Variants in RRAS2 observed in about 807,000 individuals in gnomAD.
RRAS2 encodes RAS related 2.
A neutral mutation model predicts 27.6 loss-of-function variants in RRAS2; 7 were observed. The ratio of observed to expected loss-of-function variants is 0.25; its 90% CI spans 0.14 to 0.48. The LOEUF is 0.48. Ranked by LOEUF, RRAS2 falls within the 20% of genes least tolerant of loss-of-function variation. The probability of loss-of-function intolerance (pLI) is 0.99; values close to 1 mark genes in which losing one functional copy is unlikely to be tolerated. For synonymous variants in RRAS2, 86 were observed against 90.9 expected, an observed-to-expected ratio of 0.95 and a Z score of 0.31; for missense variants, 178 against 256.2, an observed-to-expected ratio of 0.69 and a Z score of 2.08.
intron 1 of RRAS2, among the ~76,000 whole-genome samples, chr11:14,307,455 C>T (rs1554948258): frequency 6.6e-6 from 1 of 151,986 alleles, no homozygotes; most frequent in African/African-American, 2.4e-5. Flanking sequence ...GGTGCAATCT[C>T]GGCTCAATGC....
Position 14,358,893 on chromosome 11 carries a change from T to G in RRAS2, c.-23A>C. The stretch of plus-strand genomic sequence containing the variant: ...CATGGGGACGCTACAGAGCCCAGCC[T>G]GACTGCGCCGAGCCGCCGCTGCCGC... On this transcript the variant is annotated 5_prime_UTR_variant, in exon 1 of 6. Coordinates refer to ENST00000256196, the MANE Select transcript of RRAS2 (RefSeq NM_012250.6). This position sits in a 1 kb window ranked among gnomAD's most constrained non-coding sequence, Gnocchi z 5.1. The G allele has an allele frequency of 1.3e-5, 18 of 1,371,158 alleles. No homozygotes were observed. Among genetic ancestry groups the G allele is most frequent in the Non-Finnish European group, 1.7e-5 (18 of 1,049,954 alleles). 84.9% of individuals were successfully genotyped at this position (1,371,158 alleles called of 1,614,324 possible).
At chr11:14,282,442 T>C (rs1849565573) in intron 4 of RRAS2, among the ~76,000 whole-genome samples, 1 of 152,160 alleles carries the variant, frequency 6.6e-6, no homozygotes, top group African/African-American at 2.4e-5. Flanking sequence ...ATGTATAAAA[T>C]GGCAGGTCAG....
chr11:14,359,362 G>A (rs185474965), upstream of RRAS2, among the ~76,000 whole-genome samples: 3 of 152,364 alleles, frequency 2.0e-5, no homozygotes, highest in Admixed American at 2.0e-4. Flanking sequence ...GGTGTCAGTT[G>A]GGAGTGGGAC....
intron 1 of RRAS2, among the ~76,000 whole-genome samples, chr11:14,329,779 T>C (rs915010422): frequency 2.0e-5 from 3 of 152,148 alleles, no homozygotes; most frequent in Non-Finnish European, 2.9e-5. Flanking sequence ...ATTAGGAAAT[T>C]AAAAACAGGG....
In RRAS2 at chr11:14,328,767, C is replaced by A. The variant is rs530961872; in HGVS notation, c.108+29996G>T. 2.6e-5 allele frequency among the ~76,000 whole-genome samples: 4 copies of A among 151,984 alleles called. No individual in the cohort carries two copies. In the South Asian group the frequency reaches 8.3e-4, roughly 32 times the overall value. On this transcript the variant is annotated intron_variant, in intron 1 of 5. Transcript: ENST00000256196. ...GCAACCTCCACCTTCTGGGTTCAAG[C>A]AATCCTCCTGGCTCAGCCTCCCCAG...
intron 1 of RRAS2, chr11:14,336,943 A>C (rs1172348781): frequency 6.6e-6 from 1 of 152,198 alleles, no homozygotes; most frequent in African/African-American, 2.4e-5. Flanking sequence ...ATCATAATTA[A>C]ACTTCTAAAA....
At chr11:14,351,983 C>T (rs1282648517) in intron 1 of RRAS2, among the ~76,000 whole-genome samples, 2 of 151,690 alleles carry the variant, frequency 1.3e-5, no homozygotes, top group African/African-American at 4.8e-5. Flanking sequence ...GGCATCATGT[C>T]TTCAACTTAC....
At chr11:14,282,752 A>G (rs910799082) in intron 4 of RRAS2, among the ~76,000 whole-genome samples, 1 of 152,198 alleles carries the variant, frequency 6.6e-6, no homozygotes, top group African/African-American at 2.4e-5. Flanking sequence ...TTTTAACACT[A>G]TAAAAATAGG....
rs1392909224 is a variant in RRAS2, at chr11:14,279,121, A to T, written c.*216T>A. The stretch of plus-strand genomic sequence containing the variant: ...TATAGACATATATTTTAAAGGAATC[A>T]GATAATCTTTGAAGCAGCCTTAGTG... On this transcript the variant is annotated 3_prime_UTR_variant, in exon 6 of 6. Transcript: ENST00000256196. 1 of 506,510 alleles carries T rather than the reference A, an allele frequency of 2.0e-6. No homozygotes were observed. Among genetic ancestry groups the T allele is most frequent in the Admixed American group, 3.3e-5 (1 of 30,262 alleles). The allele number at this position is 506,510 out of a possible 1,614,324, so 31.4% of individuals were successfully genotyped here. A position where few individuals can be genotyped will look rare whatever the true frequency, so the allele number is the denominator to read the frequency against.
intron 1 of RRAS2, among the ~76,000 whole-genome samples, chr11:14,335,507 T>A (rs1848571371): frequency 6.6e-6 from 1 of 152,240 alleles, no homozygotes; most frequent in African/African-American, 2.4e-5. Flanking sequence ...ATCTATTTTT[T>A]GAGCTAGCAG....
intron 1 of RRAS2, among the ~76,000 whole-genome samples, chr11:14,307,916 G>A (rs1554948339): frequency 2.0e-5 from 3 of 152,010 alleles, no homozygotes; most frequent in South Asian, 2.1e-4. Flanking sequence ...TTATCCTGCC[G>A]ATAGGTCTGC....
intron 4 of RRAS2, among the ~76,000 whole-genome samples, chr11:14,290,838 G>GA (rs1277476571): frequency 1.3e-5 from 2 of 152,146 alleles, no homozygotes; most frequent in African/African-American, 2.4e-5. Context: ...AAGAGGGGCA[G>GA]AAAAAATATA....
chr11:14,305,551 C>G (rs1847811050), intron 1 of RRAS2, among the ~76,000 whole-genome samples: 1 of 152,214 alleles, frequency 6.6e-6, no homozygotes, highest in Non-Finnish European at 1.5e-5. Flanking sequence ...TAACTCCCCA[C>G]TCCAATAGCT....
chr11:14,325,512 A>G (rs1554950896), intron 1 of RRAS2, among the ~76,000 whole-genome samples: 1 of 151,892 alleles, frequency 6.6e-6, no homozygotes, highest in Admixed American at 6.6e-5. Context: ...TGTTAGCCAG[A>G]ATGGTCTCGA....
intron 4 of RRAS2, among the ~76,000 whole-genome samples, chr11:14,288,796 T>C (rs1305779160): frequency 1.3e-5 from 2 of 152,160 alleles, no homozygotes; most frequent in Non-Finnish European, 2.9e-5. Flanking sequence ...TATTTCCAAA[T>C]AGAATAAACT....
chr11:14,333,536 CT>C (rs1411301007), intron 1 of RRAS2, among the ~76,000 whole-genome samples: 3 of 152,266 alleles, frequency 2.0e-5, no homozygotes, highest in Middle Eastern at 3.4e-3. Context: ...AGGATGCCCA[CT>C]CTTAGCTTGT....
intron 5 of RRAS2, 60 bp from the exon 6 acceptor site, chr11:14,279,484 C>T (rs1214148761): frequency 1.6e-6 from 2 of 1,215,106 alleles, no homozygotes; most frequent in Non-Finnish European, 2.4e-6. Context: ...ATTACAAACA[C>T]AGGTTATTTT....
rs1044455896 is a variant in RRAS2, at chr11:14,280,523, C to T, written c.527+1079G>A. 8.6e-5 allele frequency among the ~76,000 whole-genome samples: 13 copies of T among 151,670 alleles called. No individual in the cohort carries two copies. In the East Asian group the frequency reaches 1.4e-3, roughly 16 times the overall value. Reference sequence around the variant, plus strand: ...CGGGTGGAACACGAGGTCAGGAGTTCGAGACCAGCCTGGCCAATATGGTGA... The same window carrying T: ...CGGGTGGAACACGAGGTCAGGAGTTTGAGACCAGCCTGGCCAATATGGTGA... On this transcript the variant is annotated intron_variant, in intron 5 of 5. Coordinates refer to ENST00000256196, the MANE Select transcript of RRAS2 (RefSeq NM_012250.6).
chr11:14,295,739 A>C (rs1847528822), intron 2 of RRAS2, 29 bp downstream of exon 2: 1 of 1,542,202 alleles, frequency 6.5e-7, no homozygotes. Flanking sequence ...TATGATATGC[A>C]AATTATCAAA....
Sources: allele counts gnomAD v4.1 joint callset (sites outside exome capture counted in the v4.1 genomes callset), GRCh38; gene constraint gnomAD v4.1.1; non-coding constraint Gnocchi (gnomAD v3.1); transcripts MANE v1.5; gene names NCBI Gene and HGNC (gene_info 2026-07-23, HGNC 2026-07-21).